The following SRGAP3 variants were observed in gnomAD, a reference collection of about 807,000 sequenced individuals.
SRGAP3 encodes the protein SLIT-ROBO Rho GTPase-activating protein 3.
Under a neutral mutation model 121.1 loss-of-function variants are expected in SRGAP3, and 39 were observed. The observed-to-expected ratio is 0.32, with a 90% CI of 0.25 to 0.42. The LOEUF is 0.42. Among genes scored for constraint, SRGAP3 ranks in the 10% least tolerant of loss-of-function variants. The probability of loss-of-function intolerance (pLI) is 1.00; values close to 1 mark genes in which losing one functional copy is unlikely to be tolerated. For synonymous variants in SRGAP3, 601 were observed against 570.0 expected, an observed-to-expected ratio of 1.05 and a Z score of -0.77; for missense variants, 1,213 against 1,470.6, an observed-to-expected ratio of 0.82 and a Z score of 2.86.
intron 1 of SRGAP3, among the ~76,000 whole-genome samples, chr3:9,154,653 G>A (rs1308217089): frequency 6.6e-6 from 1 of 152,176 alleles, no homozygotes; most frequent in African/African-American, 2.4e-5. Context: ...ACCAACTGCG[G>A]GCTGAGCGGC....
intron 2 of SRGAP3, among the ~76,000 whole-genome samples, chr3:9,120,272 G>A (rs1352992296): frequency 6.6e-6 from 1 of 152,208 alleles, no homozygotes; most frequent in Non-Finnish European, 1.5e-5. Flanking sequence ...GGCACCAGGT[G>A]GGAATCAAGG....
intron 1 of SRGAP3, among the ~76,000 whole-genome samples, chr3:9,185,101 C>T (rs1174224300): frequency 6.6e-6 from 1 of 152,204 alleles, no homozygotes; most frequent in African/African-American, 2.4e-5. Context: ...TTATTAGAGT[C>T]TTCGGTCTTC....
intron 14 of SRGAP3, among the ~76,000 whole-genome samples, chr3:9,020,816 G>A (rs935497862): frequency 4.6e-5 from 7 of 152,216 alleles, no homozygotes; most frequent in African/African-American, 1.7e-4. Context: ...GAGAATTAGA[G>A]CTAAAATTCC....
At chr3:9,176,746 C>G (rs1248579913) in intron 1 of SRGAP3, among the ~76,000 whole-genome samples, 5 of 152,162 alleles carry the variant, frequency 3.3e-5, no homozygotes, top group African/African-American at 1.2e-4. Flanking sequence ...GAACCACACA[C>G]TTTTAAACAG....
chr3:9,049,280 G>A (rs775387366), intron 9 of SRGAP3: 29 of 403,940 alleles, frequency 7.2e-5, no homozygotes, highest in Non-Finnish European at 1.2e-4. Flanking sequence ...TTTCTGGAAC[G>A]ACTGGGCTGG....
intron 1 of SRGAP3, among the ~76,000 whole-genome samples, chr3:9,220,828 C>A (rs1241319683): frequency 2.0e-5 from 3 of 152,174 alleles, no homozygotes; most frequent in Non-Finnish European, 4.4e-5. Flanking sequence ...GCAAATGGGA[C>A]ACACACAGGA....
At chr3:9,354,771 GCTC>G (rs780960304) in intron 1 of SRGAP3, among the ~76,000 whole-genome samples, 76 of 151,788 alleles carry the variant, frequency 5.0e-4, no homozygotes, top group Admixed American at 8.5e-4. Context: ...GCACCACTGA[GCTC>G]CTCCTCATTT....
chr3:9,226,028 C>T (rs1952976827), intron 1 of SRGAP3, among the ~76,000 whole-genome samples: 2 of 152,294 alleles, frequency 1.3e-5, no homozygotes, highest in East Asian at 3.9e-4. Flanking sequence ...GGATCGGGCC[C>T]ATGTGCTGTC....
chr3:9,192,667 A>G (rs867846697), intron 1 of SRGAP3: 66 of 152,336 alleles, frequency 4.3e-4, no homozygotes, highest in African/African-American at 1.5e-3. Context: ...GCAATGAACC[A>G]TAACCATGAG....
intron 3 of SRGAP3, among the ~76,000 whole-genome samples, chr3:9,316,996 C>A (rs1213750618): frequency 6.6e-6 from 1 of 152,132 alleles, no homozygotes; most frequent in Non-Finnish European, 1.5e-5. Flanking sequence ...TGTAGGCCAC[C>A]GTGTACTTCT....
In SRGAP3 at chr3:8,982,590, G is replaced by A. The variant is rs747363468; in HGVS notation, c.*2929C>T. ...TTAAGCAAATACAGCAATATATAGT[G>A]GACTAAAACAGGCAGGAGTCAGAAA... On this transcript the variant is annotated 3_prime_UTR_variant, in exon 22 of 22. Coordinates refer to ENST00000383836, the MANE Select transcript of SRGAP3 (RefSeq NM_014850.4). 6.2e-5 allele frequency: 14 copies of A among 224,130 alleles called. No individual in the cohort carries two copies. The highest frequency in any genetic ancestry group is 1.1e-4 in the Non-Finnish European group (12 of 112,280). 13.9% of individuals were successfully genotyped at this position (224,130 alleles called of 1,614,324 possible).
chr3:9,054,887 T>C (rs1420231094), intron 8 of SRGAP3, among the ~76,000 whole-genome samples: 3 of 152,220 alleles, frequency 2.0e-5, no homozygotes, highest in African/African-American at 7.2e-5. Context: ...TTCTTCTTTC[T>C]AACGCAGCAT....
At chr3:9,333,803 T>C (rs1435296457) in intron 1 of SRGAP3, among the ~76,000 whole-genome samples, 2 of 152,174 alleles carry the variant, frequency 1.3e-5, no homozygotes, top group African/African-American at 2.4e-5. Context: ...GTACTAGACA[T>C]AACTTCTAAC....
intron 3 of SRGAP3, among the ~76,000 whole-genome samples, chr3:9,090,546 G>A (rs891115774): frequency 1.3e-5 from 2 of 152,140 alleles, no homozygotes; most frequent in African/African-American, 4.8e-5. Context: ...TGTTTTCAAT[G>A]CAGGGATCAT....
chr3:8,997,002 G>A (rs908493346), intron 18 of SRGAP3, among the ~76,000 whole-genome samples: 1 of 152,182 alleles, frequency 6.6e-6, no homozygotes, highest in Non-Finnish European at 1.5e-5. Flanking sequence ...AGGGGGAGCA[G>A]ACAATGTGAG....
At chr3:9,014,422 T>C (rs1224503442) in intron 15 of SRGAP3, 1 of 160,626 alleles carries the variant, frequency 6.2e-6, no homozygotes, top group African/African-American at 2.4e-5. Flanking sequence ...GCTCAGGAAA[T>C]GAACATCGAA....
intron 3 of SRGAP3, among the ~76,000 whole-genome samples, chr3:9,088,723 C>G (rs1398874786): frequency 6.6e-6 from 1 of 152,178 alleles, no homozygotes. Flanking sequence ...TTTGGCCATT[C>G]AGTGCTTTCA....
At chr3:9,005,229 C>T (rs970160604) in intron 18 of SRGAP3, among the ~76,000 whole-genome samples, 3 of 152,188 alleles carry the variant, frequency 2.0e-5, no homozygotes, top group Non-Finnish European at 4.4e-5. Flanking sequence ...CAATAAGATG[C>T]AACTTCACAT....
chr3:9,065,997 C>T (rs1433316059), intron 4 of SRGAP3, among the ~76,000 whole-genome samples: 1 of 152,028 alleles, frequency 6.6e-6, no homozygotes, highest in East Asian at 1.9e-4. Context: ...CGGGGTTTTG[C>T]CATGTTGTCC....
Sources: gnomAD v4.1 joint callset for allele counts (sites outside exome capture counted in the v4.1 genomes callset) on GRCh38, gnomAD v4.1.1 for gene constraint, MANE v1.5 for transcripts, NCBI Gene and HGNC (gene_info 2026-07-23, HGNC 2026-07-21) for gene names.